Variants in THSD7B observed in about 807,000 individuals in gnomAD.
THSD7B encodes thrombospondin type 1 domain containing 7B.
THSD7B carries 138 observed loss-of-function variants against 213.6 expected under a neutral mutation model. The observed-to-expected ratio is 0.65, with a 90% CI of 0.56 to 0.74. The LOEUF is 0.74. Among genes scored for constraint, THSD7B ranks in the 30% least tolerant of loss-of-function variants. The pLI is 0.00. For missense variants in THSD7B, 1,931 were observed against 1,991.5 expected (o/e 0.97, Z 0.58); for synonymous variants, 742 against 687.0 (o/e 1.08, Z -1.25).
At chr2:137,500,584 C>T (rs965034593) in intron 15 of THSD7B, among the ~76,000 whole-genome samples, 1 of 152,156 alleles carries the variant, frequency 6.6e-6, no homozygotes, top group Non-Finnish European at 1.5e-5. Flanking sequence ...CCAGTGCAAC[C>T]CTGACAGTCA....
At chr2:136,827,244 A>T (rs1682662696) in intron 1 of THSD7B, among the ~76,000 whole-genome samples, 1 of 152,176 alleles carries the variant, frequency 6.6e-6, no homozygotes, top group Non-Finnish European at 1.5e-5. Context: ...ATAGCATAAT[A>T]TAGAGTACAT....
chr2:137,265,720 G>A (rs1346788986), intron 10 of THSD7B, among the ~76,000 whole-genome samples: 1 of 152,200 alleles, frequency 6.6e-6, no homozygotes, highest in Non-Finnish European at 1.5e-5. Flanking sequence ...GTGCTGGAAT[G>A]AGAAATAAAA....
At chr2:137,076,527 C>T (rs1044620063) in intron 3 of THSD7B, among the ~76,000 whole-genome samples, 14 of 152,262 alleles carry the variant, frequency 9.2e-5, no homozygotes, top group African/African-American at 3.4e-4. Context: ...TCCCTGACCC[C>T]TTGTGCTTCC....
chr2:137,277,810 A>G (rs1028948660), intron 12 of THSD7B, among the ~76,000 whole-genome samples: 11 of 152,016 alleles, frequency 7.2e-5, no homozygotes, highest in Non-Finnish European at 1.5e-4. Flanking sequence ...TGCAGAAGGA[A>G]GTGTGCAAGA....
At chr2:137,189,012 T>C (rs1190647694) in intron 7 of THSD7B, among the ~76,000 whole-genome samples, 1 of 152,166 alleles carries the variant, frequency 6.6e-6, no homozygotes, top group Admixed American at 6.5e-5. Context: ...TTCAGAAATG[T>C]CCTGATTTTG....
At chr2:137,009,221 T>G (rs1049015954) in intron 2 of THSD7B, among the ~76,000 whole-genome samples, 1 of 152,206 alleles carries the variant, frequency 6.6e-6, no homozygotes, top group Non-Finnish European at 1.5e-5. Flanking sequence ...TCTTAGACAC[T>G]GTCCACAATG....
intron 15 of THSD7B, among the ~76,000 whole-genome samples, chr2:137,558,779 TG>T (rs1681041329): frequency 1.3e-5 from 2 of 152,242 alleles, no homozygotes; most frequent in Non-Finnish European, 2.9e-5. Context: ...AAATTGTCCC[TG>T]TTTGCAGATG....
At position 136,951,782 on chromosome 2, in the gene THSD7B, T is replaced by C. The variant is rs554035970; in HGVS notation, c.139+69465T>C. Among the ~76,000 whole-genome samples, 6 of 152,372 alleles carry C rather than the reference T, an allele frequency of 3.9e-5. No individual in the cohort carries two copies. The East Asian group carries it at 1.2e-3, about 29-fold the overall frequency. On this transcript the variant is annotated intron_variant, in intron 2 of 27. Coordinates refer to ENST00000409968, the MANE Select transcript of THSD7B (RefSeq NM_001316349.2). ...TTGGAAGAAAAGAACTGTCAAAATG[T>C]AAAACCTAAATCATAATTCAGCCTT...
intron 1 of THSD7B, among the ~76,000 whole-genome samples, chr2:136,851,668 G>T (rs773192190): frequency 2.6e-5 from 4 of 151,920 alleles, no homozygotes; most frequent in Non-Finnish European, 5.9e-5. Context: ...GCCTAGAGAG[G>T]GATGTTTTTC....
At chr2:137,017,857 C>T (rs1686371022) in intron 2 of THSD7B, among the ~76,000 whole-genome samples, 1 of 152,028 alleles carries the variant, frequency 6.6e-6, no homozygotes, top group South Asian at 2.1e-4. Context: ...TCTTTAAATT[C>T]TGAGCAACTG....
intron 17 of THSD7B, among the ~76,000 whole-genome samples, chr2:137,586,384 C>T (rs1009978932): frequency 2.0e-5 from 3 of 152,062 alleles, no homozygotes; most frequent in African/African-American, 4.8e-5. Context: ...CATTATGATG[C>T]TAGCTGGTTA....
At chr2:137,494,259 T>C (rs116568092) in intron 15 of THSD7B, among the ~76,000 whole-genome samples, 145 of 152,264 alleles carry the variant, frequency 9.5e-4, no homozygotes, top group Middle Eastern at 3.4e-3. Context: ...CCCCCTCTAT[T>C]TCCTTAACAT....
At chr2:137,516,147 G>A (rs914564697) in intron 15 of THSD7B, among the ~76,000 whole-genome samples, 6 of 152,234 alleles carry the variant, frequency 3.9e-5, no homozygotes, top group South Asian at 2.1e-4. Context: ...GCAGCAGTTA[G>A]AATAGTCTGA....
chr2:137,022,477 C>T (rs1271663047), intron 2 of THSD7B, among the ~76,000 whole-genome samples: 1 of 151,722 alleles, frequency 6.6e-6, no homozygotes, highest in African/African-American at 2.4e-5. Flanking sequence ...AATTTAGCAT[C>T]CAAAATGAGA....
chr2:137,291,386 A>G (rs1683334027), intron 12 of THSD7B, among the ~76,000 whole-genome samples: 1 of 152,144 alleles, frequency 6.6e-6, no homozygotes, highest in South Asian at 2.1e-4. Flanking sequence ...AATGTACCTT[A>G]TTCGTCTTTA....
At chr2:137,038,116 T>C (rs1251967419) in intron 2 of THSD7B, among the ~76,000 whole-genome samples, 1 of 152,180 alleles carries the variant, frequency 6.6e-6, no homozygotes, top group African/African-American at 2.4e-5. Context: ...GGGCCCAAAT[T>C]GGGCCTATGG....
chr2:137,455,851 A>C (rs951855972), intron 15 of THSD7B, among the ~76,000 whole-genome samples: 3 of 152,164 alleles, frequency 2.0e-5, no homozygotes, highest in African/African-American at 7.2e-5. Flanking sequence ...ATATTTTTTT[A>C]AATGTTGCCT....
chr2:136,990,860 C>T, intron 2 of THSD7B: 1 of 1,326,978 alleles, frequency 7.5e-7, no homozygotes, highest in Non-Finnish European at 1.0e-6. Context: ...TTAAAATTCC[C>T]TTTAAGAAGT....
chr2:137,325,892 C>T (rs1459834524), intron 12 of THSD7B, among the ~76,000 whole-genome samples: 1 of 152,176 alleles, frequency 6.6e-6, no homozygotes, highest in Non-Finnish European at 1.5e-5. Flanking sequence ...GGCTTCACAA[C>T]CCCAAACTTC....
Sources: allele counts gnomAD v4.1 joint callset (sites outside exome capture counted in the v4.1 genomes callset), GRCh38; gene constraint gnomAD v4.1.1; transcripts MANE v1.5; gene names NCBI Gene and HGNC (gene_info 2026-07-23, HGNC 2026-07-21).